Variants in FOCAD observed in about 807,000 individuals in gnomAD.
FOCAD encodes the protein focadhesin.
A neutral mutation model predicts 225.6 loss-of-function variants in FOCAD; 198 were observed. The observed-to-expected ratio is 0.88, with a 90% CI of 0.78 to 0.99. The LOEUF is 0.99. FOCAD is among the 50% of genes least tolerant of loss of function. The pLI is 0.00. For missense variants in FOCAD, 2,713 were observed against 2,123.6 expected, an observed-to-expected ratio of 1.28 and a Z score of -5.46; for synonymous variants, 897 against 755.0, an observed-to-expected ratio of 1.19 and a Z score of -3.08.
chr9:20,772,812 TATG>T (rs1010427575), intron 8 of FOCAD, among the ~76,000 whole-genome samples: 7 of 152,002 alleles, frequency 4.6e-5, no homozygotes, highest in African/African-American at 1.5e-4. Context: ...TTGCCAATCT[TATG>T]ATTAGAATGA....
intron 25 of FOCAD, among the ~76,000 whole-genome samples, chr9:20,925,303 TG>T (rs1451420842): frequency 6.6e-6 from 1 of 152,180 alleles, no homozygotes; most frequent in Non-Finnish European, 1.5e-5. Flanking sequence ...CCCTTCACTT[TG>T]GTGTTATTTT....
intron 13 of FOCAD, 21 bp downstream of exon 13, chr9:20,820,446 G>A: frequency 6.3e-7 from 1 of 1,577,868 alleles, no homozygotes; most frequent in Non-Finnish European, 8.7e-7. Flanking sequence ...ATATACACTT[G>A]CATGAGTATT....
At chr9:20,956,866 G>C (rs570401560) in intron 35 of FOCAD, among the ~76,000 whole-genome samples, 1 of 152,040 alleles carries the variant, frequency 6.6e-6, no homozygotes, top group Non-Finnish European at 1.5e-5. Context: ...CTAATTTTTT[G>C]TATTTTTAGT....
chr9:20,917,968 C>A lies in FOCAD; in HGVS notation c.2852+1031C>A, dbSNP rs557482149. On this transcript the variant is annotated intron_variant, in intron 24 of 43. Coordinates refer to ENST00000338382, the MANE Select transcript of FOCAD (RefSeq NM_001375567.1). ...CCCTGACTCAGTCCTATGGAAGGCA[C>A]TGGGAAATATCTGTTGATAAAATGA... 7.9e-5 allele frequency among the ~76,000 whole-genome samples: 12 copies of A among 152,256 alleles called. 1 individual carries two copies. The South Asian group carries it at 2.5e-3, about 32-fold the overall frequency.
intron 1 of FOCAD, among the ~76,000 whole-genome samples, chr9:20,688,243 A>G (rs1822778835): frequency 6.6e-6 from 1 of 152,224 alleles, no homozygotes; most frequent in African/African-American, 2.4e-5. Flanking sequence ...GGGGTAAGGC[A>G]GACATTTGCA....
intron 38 of FOCAD, 40 bp downstream of exon 38, chr9:20,981,726 T>G (rs1346740682): frequency 6.3e-7 from 1 of 1,575,130 alleles, no homozygotes; most frequent in Non-Finnish European, 8.6e-7. Context: ...CAATTTATGT[T>G]TGGGATATTT....
rs919933521 is a variant in FOCAD, at chr9:20,812,461, C to CT, written c.1456-7328dup. Among the ~76,000 whole-genome samples the CT allele has an allele frequency of 1.3e-4, 19 of 151,988 alleles. No homozygotes were observed. The East Asian group carries it at 3.3e-3, about 26-fold the overall frequency. On this transcript the variant is annotated intron_variant, in intron 11 of 43. Coordinates refer to ENST00000338382, the MANE Select transcript of FOCAD (RefSeq NM_001375567.1). The stretch of plus-strand genomic sequence containing the variant: ...ATAGAACTGTCTGAAAAATTATGCT[C>CT]TTTTTTTGCAGCCTCATGAAGTGTT...
At chr9:20,759,265 G>A (rs546178656) in intron 6 of FOCAD, among the ~76,000 whole-genome samples, 2 of 152,224 alleles carry the variant, frequency 1.3e-5, no homozygotes, top group East Asian at 1.9e-4. Flanking sequence ...TCAATCCTAA[G>A]CCAAAAGAAC....
chr9:20,979,092 T>G (rs948153291), intron 37 of FOCAD, among the ~76,000 whole-genome samples: 7 of 152,228 alleles, frequency 4.6e-5, no homozygotes, highest in Admixed American at 2.0e-4. Context: ...CAAGAGAGTT[T>G]AAAGATGTAA....
chr9:20,945,850 C>G (rs1837121459), intron 29 of FOCAD, among the ~76,000 whole-genome samples: 1 of 151,984 alleles, frequency 6.6e-6, no homozygotes, highest in Non-Finnish European at 1.5e-5. Context: ...TCAACCAGTG[C>G]TAGAAGTTGA....
rs148164765 is a variant in FOCAD at position 20,911,005 on chromosome 9, A to G, written c.2719-1861A>G. 3.3e-3 allele frequency among the ~76,000 whole-genome samples: 501 copies of G among 152,196 alleles called. 4 individuals are homozygous for G. The highest frequency in any genetic ancestry group is 0.011 in the African/African-American group (462 of 41,544). ...TTTTCTTGTGTTTTGTTTATCTTTA[A>G]ACGGATTTTTAAAATTTCTTGTTCC... On this transcript the variant is annotated intron_variant, in intron 22 of 43. Coordinates refer to ENST00000338382, the MANE Select transcript of FOCAD (RefSeq NM_001375567.1).
At chr9:20,827,832 A>C (rs1473223694) in intron 15 of FOCAD, among the ~76,000 whole-genome samples, 1 of 152,112 alleles carries the variant, frequency 6.6e-6, no homozygotes, top group Non-Finnish European at 1.5e-5. Flanking sequence ...GTAAAACATG[A>C]GGCCCAAGGT....
At chr9:20,791,231 ACACACT>A (rs1452566493) in intron 11 of FOCAD, among the ~76,000 whole-genome samples, 5 of 95,952 alleles carry the variant, frequency 5.2e-5, no homozygotes, top group African/African-American at 1.8e-4. Flanking sequence ...ACACACACAC[ACACACT>A]CACACACACA....
intron 11 of FOCAD, among the ~76,000 whole-genome samples, chr9:20,790,307 A>G (rs527820188): frequency 6.6e-6 from 1 of 152,294 alleles, no homozygotes; most frequent in East Asian, 1.9e-4. Context: ...TATAAAGGAA[A>G]GGTTTTCTAA....
At chr9:20,781,963 G>C (rs770181476) in intron 10 of FOCAD, 34 bp downstream of exon 10, 2 of 1,589,250 alleles carry the variant, frequency 1.3e-6, no homozygotes, top group Non-Finnish European at 8.6e-7. Context: ...CTTAAATAAA[G>C]TGTCGATGTG....
chr9:20,851,720 A>G (rs1827677649), intron 15 of FOCAD, among the ~76,000 whole-genome samples: 1 of 151,886 alleles, frequency 6.6e-6, no homozygotes. Context: ...ATTCAAGTGT[A>G]CATTAAAGTT....
chr9:20,699,692 C>T (rs1444772150), intron 1 of FOCAD, among the ~76,000 whole-genome samples: 2 of 127,060 alleles, frequency 1.6e-5, no homozygotes, highest in African/African-American at 3.1e-5. Flanking sequence ...GAGCCGAGAT[C>T]GTGCCACTGC....
rs529807249 is a variant in FOCAD, at chr9:20,857,556, T to C, written c.1921-5022T>C. ...TTGGAAAGAAAAATAATTTTACTTA[T>C]TTTTTTCCTATTGGGATGCCCTTTC... On this transcript the variant is annotated intron_variant, in intron 15 of 43. Coordinates refer to ENST00000338382, the MANE Select transcript of FOCAD (RefSeq NM_001375567.1). 5.2e-4 allele frequency among the ~76,000 whole-genome samples: 79 copies of C among 152,000 alleles called. 1 individual carries two copies. The highest frequency in any genetic ancestry group is 1.8e-3 in the African/African-American group (76 of 41,556).
At chr9:20,680,283 G>A (rs1032308254), upstream of FOCAD, among the ~76,000 whole-genome samples, 3 of 152,282 alleles carry the variant, frequency 2.0e-5, no homozygotes, top group Admixed American at 2.0e-4. Flanking sequence ...TTATTGTCCG[G>A]GTGCGATGGC....
Sources: allele counts gnomAD v4.1 joint callset (sites outside exome capture counted in the v4.1 genomes callset), GRCh38; gene constraint gnomAD v4.1.1; transcripts MANE v1.5; gene names NCBI Gene and HGNC (gene_info 2026-07-23, HGNC 2026-07-21).